SERPINA12: variants seen among roughly 807,000 people sequenced by gnomAD.
The protein encoded by SERPINA12 is serpin family A member 12.
A neutral mutation model predicts 25.9 loss-of-function variants in SERPINA12; 21 were observed. The observed-to-expected ratio is 0.81, with a 90% CI of 0.58 to 1.17. The LOEUF is 1.17. SERPINA12 is among the 50% of genes most tolerant of loss of function. The pLI, the probability that SERPINA12 is intolerant of heterozygous loss-of-function variation, is 0.00. For missense variants in SERPINA12, 562 were observed against 508.3 expected (o/e 1.11, Z -1.02); for synonymous variants, 220 against 196.0 (o/e 1.12, Z -1.02).
At chr14:94,492,759 T>G (rs565708127) in intron 3 of SERPINA12, among the ~76,000 whole-genome samples, 3 of 152,236 alleles carry the variant, frequency 2.0e-5, no homozygotes, top group South Asian at 2.1e-4. Flanking sequence ...CGGAAATGTG[T>G]GGGGGGCACC....
intron 1 of SERPINA12, among the ~76,000 whole-genome samples, chr14:94,508,564 G>A (rs1566815510): frequency 6.6e-6 from 1 of 152,140 alleles, no homozygotes; most frequent in Non-Finnish European, 1.5e-5. Context: ...TTTTCATAAT[G>A]TTAGAGTGAA....
intron 2 of SERPINA12, among the ~76,000 whole-genome samples, chr14:94,515,512 T>C (rs1595703308): frequency 6.6e-6 from 1 of 152,078 alleles, no homozygotes; most frequent in Admixed American, 6.5e-5. Flanking sequence ...AGAGCCTCGC[T>C]CATGTTCCCA....
chr14:94,501,040 T>C lies in SERPINA12; in HGVS notation c.-33-2610A>G, dbSNP rs1052057053. ...AAAACCACTTCTTGGTAAAACTTAA[T>C]AACAGCTGGTGATGAACAAGGGCTC... On this transcript the variant is annotated intron_variant, in intron 1 of 4. Coordinates refer to ENST00000677451, the MANE Select transcript of SERPINA12 (RefSeq NM_001382267.1). The C allele has an allele frequency of 6.1e-6, 6 of 985,228 alleles. No individual in the cohort carries two copies. In the African/African-American group the frequency reaches 7.0e-5, roughly 11 times the overall value. The allele number at this position is 985,228 out of a possible 1,614,324, so 61.0% of individuals were successfully genotyped here. A position where few individuals can be genotyped will look rare whatever the true frequency, so the allele number is the denominator to read the frequency against.
chr14:94,496,470 C>T lies in SERPINA12; in HGVS notation c.808G>A (p.Ala270Thr). Residue 270 changes from alanine to threonine, a missense_variant, in exon 3 of 5, where the codon GCC (alanine) becomes ACC (threonine). Transcript: ENST00000677451. ...CCCTCATCAGGAAGGATGAAGATGG[C>T]TGTGATATTTTTCTGGTAGGGTATT... The part of the protein sequence containing the change: ...LEIPYQKNIT[A>T]IFILPDEGKL... 6.2e-7 allele frequency: 1 copy of T among 1,614,136 alleles called. No homozygotes were observed. Among genetic ancestry groups the T allele is most frequent in the Non-Finnish European group, 8.5e-7 (1 of 1,180,026 alleles).
chr14:94,510,007 G>A (rs1901067600), upstream of SERPINA12: 1 of 985,420 alleles, frequency 1.0e-6, no homozygotes, highest in South Asian at 4.7e-5. Flanking sequence ...CAGCCTGGGA[G>A]CAGGCAGCCC....
At chr14:94,513,629 C>G (rs949555260), upstream of SERPINA12, among the ~76,000 whole-genome samples, 1 of 152,172 alleles carries the variant, frequency 6.6e-6, no homozygotes, top group Non-Finnish European at 1.5e-5. Context: ...AAACCATAAC[C>G]GCCCATGCAC....
chr14:94,501,993 T>C (rs1900748171), intron 1 of SERPINA12, among the ~76,000 whole-genome samples: 1 of 151,832 alleles, frequency 6.6e-6, no homozygotes, highest in Non-Finnish European at 1.5e-5. Flanking sequence ...TCTCCTGAGT[T>C]GAGCAATTGT....
At chr14:94,490,541 T>C (rs1900133647) in intron 3 of SERPINA12, among the ~76,000 whole-genome samples, 1 of 152,050 alleles carries the variant, frequency 6.6e-6, no homozygotes, top group South Asian at 2.1e-4. Flanking sequence ...CCTTAAACAG[T>C]GCCCCTTTGA....
At chr14:94,504,099 G>A (rs532730502) in intron 1 of SERPINA12, 2 of 152,342 alleles carry the variant, frequency 1.3e-5, no homozygotes, top group African/African-American at 2.4e-5. Flanking sequence ...AAGAAGCACC[G>A]GATCTTTTGG....
chr14:94,515,484 C>T (rs746632887), intron 2 of SERPINA12, among the ~76,000 whole-genome samples: 7 of 152,130 alleles, frequency 4.6e-5, no homozygotes, highest in East Asian at 1.9e-4. Flanking sequence ...TCTCCGTGGA[C>T]GGGGAGGCCT....
chr14:94,489,642 T>C lies in SERPINA12; in HGVS notation c.1031A>G (p.His344Arg), dbSNP rs910536381. The C allele has an allele frequency of 2.5e-6, 4 of 1,614,036 alleles. No homozygotes were observed. The African/African-American group carries it at 5.3e-5, about 22-fold the overall frequency. ...EHGDLTKIAP[H>R]RSLKVGEAVH... ...TACCTCGCCCACTTTCAGGCTGCGA[T>C]GAGGGGCGATCTTGGTGAGATCACC... The change falls in exon 4 of 5, where the codon CAT becomes CGT. Residue 344 changes from histidine to arginine, a missense_variant. Physicochemically the swap from His to Arg is conservative, Grantham distance 29. Coordinates refer to ENST00000677451, the MANE Select transcript of SERPINA12 (RefSeq NM_001382267.1).
At chr14:94,506,998 C>T (rs916251057) in intron 1 of SERPINA12, among the ~76,000 whole-genome samples, 2 of 152,202 alleles carry the variant, frequency 1.3e-5, no homozygotes, top group Non-Finnish European at 2.9e-5. Flanking sequence ...CAGAGCCACA[C>T]AGGAAGTCAC....
chr14:94,502,056 CTGTG>C (rs1395043648), intron 1 of SERPINA12, among the ~76,000 whole-genome samples: 4 of 146,144 alleles, frequency 2.7e-5, no homozygotes, highest in African/African-American at 1.0e-4. Flanking sequence ...GTGTGTGTAT[CTGTG>C]TGTGTTTGGC....
chr14:94,506,397 AG>A (rs1320383407), intron 1 of SERPINA12, among the ~76,000 whole-genome samples: 1 of 152,196 alleles, frequency 6.6e-6, no homozygotes, highest in Non-Finnish European at 1.5e-5. Flanking sequence ...GGGCCAAGGT[AG>A]AGGTAACTCT....
intron 3 of SERPINA12, among the ~76,000 whole-genome samples, chr14:94,490,521 C>G (rs1900131606): frequency 6.6e-6 from 1 of 152,064 alleles, no homozygotes; most frequent in African/African-American, 2.4e-5. Context: ...TCCTCTCTCT[C>G]CTGCATCATC....
intron 3 of SERPINA12, among the ~76,000 whole-genome samples, chr14:94,492,393 G>T (rs1365956996): frequency 6.6e-6 from 1 of 152,180 alleles, no homozygotes; most frequent in African/African-American, 2.4e-5. Context: ...TAATAGCATT[G>T]AGATTTCCTG....
upstream of SERPINA12, among the ~76,000 whole-genome samples, chr14:94,513,898 C>T (rs1476257919): frequency 6.6e-6 from 1 of 152,196 alleles, no homozygotes; most frequent in Non-Finnish European, 1.5e-5. Flanking sequence ...AAAATGCTTT[C>T]CCTCCTTGGA....
intron 1 of SERPINA12, among the ~76,000 whole-genome samples, chr14:94,517,223 G>A (rs1901257812): frequency 1.3e-5 from 2 of 152,246 alleles, no homozygotes; most frequent in Non-Finnish European, 2.9e-5. Flanking sequence ...GGCAGTGCCT[G>A]TCGCAGCAGG....
At chr14:94,497,663 T>C (rs1211403207) in intron 2 of SERPINA12, 101 bp downstream of exon 2, 9 of 1,088,938 alleles carry the variant, frequency 8.3e-6, no homozygotes, top group Non-Finnish European at 1.1e-5. Flanking sequence ...AAATCACATA[T>C]GAATTCAAGG....
Sources: gnomAD v4.1 joint callset for allele counts (sites outside exome capture counted in the v4.1 genomes callset) on GRCh38, gnomAD v4.1.1 for gene constraint, MANE v1.5 for transcripts, NCBI Gene and HGNC (gene_info 2026-07-23, HGNC 2026-07-21) for gene names.